The following ROBO1 variants were observed in gnomAD, a reference collection of about 807,000 sequenced individuals.
The protein encoded by ROBO1 is roundabout guidance receptor 1.
ROBO1 carries 149 observed loss-of-function variants against 195.9 expected under a neutral mutation model. The observed-to-expected ratio is 0.76, with a 90% CI of 0.67 to 0.87. The LOEUF is 0.87. Among genes scored for constraint, ROBO1 ranks in the 40% least tolerant of loss-of-function variants. ROBO1 has a pLI of 0.00. For missense variants in ROBO1, 1,933 were observed against 2,068.3 expected (o/e 0.93, Z 1.27); for synonymous variants, 816 against 733.2 (o/e 1.11, Z -1.82).
chr3:79,246,198 T>C (rs573996878), intron 2 of ROBO1, among the ~76,000 whole-genome samples: 10 of 152,226 alleles, frequency 6.6e-5, no homozygotes, highest in African/African-American at 2.2e-4. Context: ...AACTAAAACA[T>C]AACTTATGAA....
In ROBO1 at chr3:78,657,090, ACACT is replaced by A; in HGVS notation, c.2614+4_2614+7del. 1.9e-6 allele frequency: 3 copies of A among 1,598,500 alleles called. No individual in the cohort carries two copies. Among genetic ancestry groups the A allele is most frequent in the Non-Finnish European group, 2.6e-6 (3 of 1,172,338 alleles). Reference sequence around the variant, plus strand: ...AGATTGTCAAACTGGATCTGCACTGACACTCACCCAGCTGGATGAACTGAGGCTC... The same window carrying A: ...AGATTGTCAAACTGGATCTGCACTGACACCCAGCTGGATGAACTGAGGCTC... On this transcript the variant is annotated splice_donor_5th_base_variant and intron_variant, in intron 18 of 30. Transcript: ENST00000464233.
At chr3:79,053,149 T>C (rs767915474) in intron 3 of ROBO1, among the ~76,000 whole-genome samples, 19 of 151,962 alleles carry the variant, frequency 1.3e-4, no homozygotes, top group African/African-American at 2.4e-4. Context: ...TGGGCCTTGA[T>C]ACGTGCCATC....
At chr3:79,063,975 C>T (rs1028731481) in intron 3 of ROBO1, among the ~76,000 whole-genome samples, 6 of 151,634 alleles carry the variant, frequency 4.0e-5, no homozygotes, top group Non-Finnish European at 7.4e-5. Context: ...AGGTAGTGAA[C>T]AGGTAAAAAG....
chr3:79,440,791 A>C (rs1393683919), intron 2 of ROBO1, among the ~76,000 whole-genome samples: 1 of 152,148 alleles, frequency 6.6e-6, no homozygotes, highest in Non-Finnish European at 1.5e-5. Flanking sequence ...CTGTTTGAGG[A>C]AGAAAAGAGA....
At chr3:79,602,734 C>T (rs1208870524) in intron 1 of ROBO1, among the ~76,000 whole-genome samples, 3 of 151,806 alleles carry the variant, frequency 2.0e-5, no homozygotes, top group Non-Finnish European at 2.9e-5. Context: ...GTATAAATTT[C>T]AACATTAAAT....
chr3:79,752,332 T>A (rs1028506310), intron 1 of ROBO1, among the ~76,000 whole-genome samples: 4 of 152,152 alleles, frequency 2.6e-5, no homozygotes, highest in Non-Finnish European at 4.4e-5. Flanking sequence ...CATAATTTTT[T>A]AATAAAACCT....
At chr3:79,450,852 T>C (rs114683911) in intron 2 of ROBO1, among the ~76,000 whole-genome samples, 1,694 of 152,046 alleles carry the variant, frequency 0.011, 32 homozygotes, top group African/African-American at 0.039. Context: ...CTTTTTCACA[T>C]TGCAGTAAGG....
chr3:79,023,460 C>T (rs1355302858), intron 3 of ROBO1, among the ~76,000 whole-genome samples: 1 of 152,086 alleles, frequency 6.6e-6, no homozygotes, highest in Admixed American at 6.6e-5. Flanking sequence ...GAAACGAGGC[C>T]TATTTAGTTT....
At chr3:79,138,617 A>T (rs2080462396) in intron 2 of ROBO1, among the ~76,000 whole-genome samples, 1 of 151,956 alleles carries the variant, frequency 6.6e-6, no homozygotes, top group African/African-American at 2.4e-5. Flanking sequence ...AATTCAGGTA[A>T]GGGTCTTACT....
At chr3:79,395,201 G>A (rs1482314363) in intron 2 of ROBO1, among the ~76,000 whole-genome samples, 2 of 151,212 alleles carry the variant, frequency 1.3e-5, no homozygotes, top group Non-Finnish European at 3.0e-5. Context: ...CGGCACCTGT[G>A]GTCCCAGCTA....
chr3:79,235,421 G>C (rs1019175747), intron 2 of ROBO1, among the ~76,000 whole-genome samples: 11 of 125,686 alleles, frequency 8.8e-5, no homozygotes, highest in African/African-American at 2.4e-4. Context: ...ATATACCCAA[G>C]TTACTGGGAG....
At chr3:78,967,984 G>A (rs1014736339) in intron 3 of ROBO1, among the ~76,000 whole-genome samples, 4 of 152,082 alleles carry the variant, frequency 2.6e-5, no homozygotes, top group African/African-American at 4.8e-5. Context: ...AGATTAGAAC[G>A]GCAAACAAAT....
At chr3:78,740,377 AT>A (rs2108247776) in intron 5 of ROBO1, among the ~76,000 whole-genome samples, 1 of 151,616 alleles carries the variant, frequency 6.6e-6, no homozygotes, top group East Asian at 1.9e-4. Flanking sequence ...ATAAAATAAA[AT>A]TTAAATAAAT....
intron 4 of ROBO1, among the ~76,000 whole-genome samples, chr3:78,788,721 C>T (rs2083926361): frequency 6.6e-6 from 1 of 151,880 alleles, no homozygotes; most frequent in South Asian, 2.1e-4. Flanking sequence ...ATCCCTAGCA[C>T]ATTTAGGTCT....
At chr3:79,456,345 T>A (rs2039618992) in intron 2 of ROBO1, among the ~76,000 whole-genome samples, 1 of 152,108 alleles carries the variant, frequency 6.6e-6, no homozygotes, top group African/African-American at 2.4e-5. Flanking sequence ...CTCATATCAG[T>A]GAAAACATCA....
chr3:79,698,577 T>A (rs9812795), intron 1 of ROBO1, among the ~76,000 whole-genome samples: 6 of 151,192 alleles, frequency 4.0e-5, no homozygotes, highest in Non-Finnish European at 7.4e-5. Flanking sequence ...ATCCTAAAGG[T>A]TCAATTGTGA....
chr3:78,971,496 A>T (rs1375284111), intron 3 of ROBO1, among the ~76,000 whole-genome samples: 2 of 152,314 alleles, frequency 1.3e-5, no homozygotes, highest in East Asian at 3.9e-4. Flanking sequence ...TAAAAAAATG[A>T]CTGAGAACTG....
chr3:79,089,766 A>C (rs2079441040), intron 3 of ROBO1, among the ~76,000 whole-genome samples: 1 of 152,176 alleles, frequency 6.6e-6, no homozygotes, highest in South Asian at 2.1e-4. Flanking sequence ...GTTGTGAAAT[A>C]GATGAACGCA....
At chr3:79,183,521 C>A (rs2081383246) in intron 2 of ROBO1, among the ~76,000 whole-genome samples, 1 of 152,136 alleles carries the variant, frequency 6.6e-6, no homozygotes, top group Admixed American at 6.5e-5. Flanking sequence ...GGTAAAAGCC[C>A]ACATGGGTAA....
Sources: allele counts gnomAD v4.1 joint callset (sites outside exome capture counted in the v4.1 genomes callset), GRCh38; gene constraint gnomAD v4.1.1; transcripts MANE v1.5; gene names NCBI Gene and HGNC (gene_info 2026-07-23, HGNC 2026-07-21).